Variants in TNR observed in about 807,000 individuals in gnomAD.
TNR encodes the protein tenascin-R.
In TNR, 45 loss-of-function variants were observed where a neutral mutation model predicts 150.4. The observed-to-expected ratio is 0.30, with a 90% CI of 0.24 to 0.38. The LOEUF is 0.38. Among genes scored for constraint, TNR ranks in the 10% least tolerant of loss-of-function variants. TNR has a pLI of 1.00. For missense variants in TNR, 1,544 were observed against 1,759.1 expected, an observed-to-expected ratio of 0.88 and a Z score of 2.19; for synonymous variants, 687 against 678.4, an observed-to-expected ratio of 1.01 and a Z score of -0.20.
At chr1:175,684,303 A>G (rs1414465575) in intron 1 of TNR, among the ~76,000 whole-genome samples, 1 of 152,222 alleles carries the variant, frequency 6.6e-6, no homozygotes, top group East Asian at 1.9e-4. Flanking sequence ...TGCACAAAAT[A>G]GATGCAGAGC....
In TNR at chr1:175,320,601, G is replaced by A. The variant is rs368334527; in HGVS notation, c.*2756C>T. 6.6e-6 allele frequency: 1 copy of A among 152,044 alleles called. No homozygotes were observed. Among genetic ancestry groups the A allele is most frequent in the African/African-American group, 2.4e-5 (1 of 41,398 alleles). The allele number at this position is 152,044 out of a possible 1,614,324, so 9.4% of individuals were successfully genotyped here. A position where few individuals can be genotyped will look rare whatever the true frequency, so the allele number is the denominator to read the frequency against. On this transcript the variant is annotated 3_prime_UTR_variant, in exon 23 of 23. Coordinates refer to ENST00000367674, the MANE Select transcript of TNR (RefSeq NM_003285.3). The stretch of plus-strand genomic sequence containing the variant: ...TTTCCATTTCAACTTCCTTGATGAA[G>A]TGGGCGTGCTGGCACCACCCAGGTA...
In TNR at chr1:175,440,593, C is replaced by T. The variant is rs565964317; in HGVS notation, c.-63-33816G>A. 4.0e-5 allele frequency among the ~76,000 whole-genome samples: 6 copies of T among 151,290 alleles called. No individual in the cohort carries two copies. In the South Asian group the frequency reaches 8.4e-4, roughly 21 times the overall value. ...AAAGAGAAAGAGAGCTCATTGATGA[C>T]GAGAGCCCAGCAAAGGAGAATGAGT... On this transcript the variant is annotated intron_variant, in intron 2 of 22. Coordinates refer to ENST00000367674, the MANE Select transcript of TNR (RefSeq NM_003285.3).
At chr1:175,715,029 T>C (rs1460689357) in intron 1 of TNR, among the ~76,000 whole-genome samples, 1 of 152,212 alleles carries the variant, frequency 6.6e-6, no homozygotes, top group Non-Finnish European at 1.5e-5. Context: ...TCTAAAACCA[T>C]GCTTCTCAAA....
At chr1:175,694,113 C>G (rs1389482220) in intron 1 of TNR, among the ~76,000 whole-genome samples, 3 of 152,204 alleles carry the variant, frequency 2.0e-5, no homozygotes, top group African/African-American at 4.8e-5. Context: ...GACACCACCT[C>G]TCTGCCAATG....
chr1:175,337,031 T>A (rs916408861), intron 19 of TNR, among the ~76,000 whole-genome samples: 1 of 152,224 alleles, frequency 6.6e-6, no homozygotes, highest in Non-Finnish European at 1.5e-5. Flanking sequence ...TAGCTGGGAC[T>A]ACAGGCATGT....
intron 2 of TNR, among the ~76,000 whole-genome samples, chr1:175,411,158 C>A (rs1654192329): frequency 6.6e-6 from 1 of 152,096 alleles, no homozygotes; most frequent in Non-Finnish European, 1.5e-5. Flanking sequence ...GATTTTAGCT[C>A]AAAATACAGA....
chr1:175,341,426 C>T (rs984963471), intron 18 of TNR, among the ~76,000 whole-genome samples: 1 of 152,190 alleles, frequency 6.6e-6, no homozygotes. Context: ...ACTGAAATGT[C>T]TCATAGTTAA....
chr1:175,555,819 G>A (rs548017247), intron 1 of TNR, among the ~76,000 whole-genome samples: 1 of 152,314 alleles, frequency 6.6e-6, no homozygotes, highest in African/African-American at 2.4e-5. Flanking sequence ...TTATCCCTGA[G>A]TTCAGCCTTG....
At chr1:175,470,904 G>C (rs187697704) in intron 2 of TNR, among the ~76,000 whole-genome samples, 1 of 152,288 alleles carries the variant, frequency 6.6e-6, no homozygotes, top group Admixed American at 6.5e-5. Context: ...GTGGGAACTC[G>C]ATGACCACTG....
At chr1:175,467,553 G>A (rs551466901) in intron 2 of TNR, among the ~76,000 whole-genome samples, 1 of 152,302 alleles carries the variant, frequency 6.6e-6, no homozygotes, top group East Asian at 1.9e-4. Context: ...GATGTTTGAT[G>A]GGCTTTGGCA....
At chr1:175,618,864 C>T (rs1213814080) in intron 1 of TNR, among the ~76,000 whole-genome samples, 1 of 152,056 alleles carries the variant, frequency 6.6e-6, no homozygotes, top group Non-Finnish European at 1.5e-5. Flanking sequence ...TTGCCTTCTG[C>T]CCAGGAGCAC....
chr1:175,527,418 T>A (rs1441090062), intron 2 of TNR, among the ~76,000 whole-genome samples: 4 of 152,164 alleles, frequency 2.6e-5, no homozygotes, highest in Admixed American at 6.5e-5. Context: ...TAGAGTAGCA[T>A]GAGGGATACT....
chr1:175,618,965 C>T (rs1028145979), intron 1 of TNR, among the ~76,000 whole-genome samples: 1 of 152,180 alleles, frequency 6.6e-6, no homozygotes, highest in South Asian at 2.1e-4. Context: ...TCTGGCTGTT[C>T]ATTAGGGCAC....
At chr1:175,673,078 T>C (rs1665751380) in intron 1 of TNR, among the ~76,000 whole-genome samples, 1 of 152,156 alleles carries the variant, frequency 6.6e-6, no homozygotes, top group South Asian at 2.1e-4. Flanking sequence ...TGCATCTGCA[T>C]CCTTCACCTG....
intron 9 of TNR, among the ~76,000 whole-genome samples, chr1:175,377,308 G>C (rs1312176126): frequency 6.6e-6 from 1 of 152,078 alleles, no homozygotes; most frequent in African/African-American, 2.4e-5. Context: ...TAGGACGTGG[G>C]GTTTTCTATC....
At chr1:175,337,157 G>A (rs1420085697) in intron 19 of TNR, among the ~76,000 whole-genome samples, 2 of 152,170 alleles carry the variant, frequency 1.3e-5, no homozygotes, top group Non-Finnish European at 2.9e-5. Context: ...GCCTCCCAAA[G>A]TGCTGGGATT....
At chr1:175,627,578 C>A (rs891094492) in intron 1 of TNR, among the ~76,000 whole-genome samples, 8 of 152,122 alleles carry the variant, frequency 5.3e-5, no homozygotes, top group Admixed American at 6.5e-5. Context: ...CTCATCATAT[C>A]GGAACATTGT....
Position 175,400,385 on chromosome 1 carries a change from C to T in TNR, c.976+2755G>A, listed in dbSNP as rs1653653283. Reference sequence around the variant, plus strand: ...CTGGGAAAATCTGTCTCACTGACTGCTGCTTTTTAAATCTGTAAAATGAGA... The same window carrying T: ...CTGGGAAAATCTGTCTCACTGACTGTTGCTTTTTAAATCTGTAAAATGAGA... On this transcript the variant is annotated intron_variant, in intron 4 of 22. Coordinates refer to ENST00000367674, the MANE Select transcript of TNR (RefSeq NM_003285.3). Among the ~76,000 whole-genome samples the T allele has an allele frequency of 2.0e-5, 3 of 152,174 alleles. No individual in the cohort carries two copies. In the South Asian group the frequency reaches 6.2e-4, roughly 32 times the overall value.
chr1:175,458,048 C>T (rs1006649930), intron 2 of TNR, among the ~76,000 whole-genome samples: 9 of 152,102 alleles, frequency 5.9e-5, no homozygotes, highest in Non-Finnish European at 1.3e-4. Flanking sequence ...GAAATAGTAC[C>T]CACTTCACAG....
Sources: gnomAD v4.1 joint callset for allele counts (sites outside exome capture counted in the v4.1 genomes callset) on GRCh38, gnomAD v4.1.1 for gene constraint, MANE v1.5 for transcripts, NCBI Gene and HGNC (gene_info 2026-07-23, HGNC 2026-07-21) for gene names.